NUBPL: variants seen among roughly 807,000 people sequenced by gnomAD.
The protein encoded by NUBPL is NUBP iron-sulfur cluster assembly factor, mitochondrial.
NUBPL carries 31 observed loss-of-function variants against 45.7 expected under a neutral mutation model. That is an observed-to-expected ratio of 0.68 (90% confidence interval 0.51 to 0.92). NUBPL has a LOEUF of 0.92. NUBPL is among the 40% of genes least tolerant of loss of function. NUBPL has a pLI of 0.00. For missense variants in NUBPL, 401 were observed against 398.7 expected (o/e 1.01, Z -0.05); for synonymous variants, 144 against 140.9 (o/e 1.02, Z -0.15).
intron 3 of NUBPL, among the ~76,000 whole-genome samples, chr14:31,596,355 G>A (rs572736702): frequency 6.6e-6 from 1 of 152,236 alleles, no homozygotes; most frequent in Admixed American, 6.5e-5. Context: ...CTCCTCTGAC[G>A]CTGAGATGAC....
At chr14:31,766,283 T>C (rs182590633) in intron 6 of NUBPL, among the ~76,000 whole-genome samples, 8 of 152,312 alleles carry the variant, frequency 5.3e-5, no homozygotes, top group Non-Finnish European at 1.2e-4. Flanking sequence ...GAGCGCAGGG[T>C]AGAGCCCATT....
chr14:31,647,426 C>G (rs1415468761), intron 4 of NUBPL, among the ~76,000 whole-genome samples: 1 of 152,070 alleles, frequency 6.6e-6, no homozygotes, highest in East Asian at 1.9e-4. Flanking sequence ...CTAAATGGCA[C>G]CTTAAGCCCA....
chr14:31,842,442 A>G (rs1351724713), intron 8 of NUBPL, among the ~76,000 whole-genome samples: 3 of 152,118 alleles, frequency 2.0e-5, no homozygotes, highest in African/African-American at 7.2e-5. Flanking sequence ...AAAACCTCTG[A>G]CTTTCAAACA....
At chr14:31,847,434 C>T (rs17464629) in intron 9 of NUBPL, among the ~76,000 whole-genome samples, 15,357 of 152,158 alleles carry the variant, frequency 0.1, 946 homozygotes, top group Non-Finnish European at 0.14. Context: ...TTACATTGTA[C>T]GCACTGTTCA....
At chr14:31,673,654 A>T (rs2036628091) in intron 6 of NUBPL, 80 bp downstream of exon 6, 2 of 1,270,964 alleles carry the variant, frequency 1.6e-6, no homozygotes, top group Non-Finnish European at 2.3e-6. Flanking sequence ...AATTGTTAAA[A>T]TTTGCATTCA....
intron 7 of NUBPL, among the ~76,000 whole-genome samples, chr14:31,817,991 A>T (rs989930456): frequency 3.9e-5 from 6 of 152,180 alleles, no homozygotes; most frequent in Non-Finnish European, 8.8e-5. Flanking sequence ...AAAAAGAAAA[A>T]AAAGGAAAAA....
chr14:31,811,668 G>C (rs2039808261), intron 7 of NUBPL, among the ~76,000 whole-genome samples: 2 of 152,172 alleles, frequency 1.3e-5, no homozygotes. Flanking sequence ...TTGCTGGTGA[G>C]GAGTTGTGAT....
intron 3 of NUBPL, among the ~76,000 whole-genome samples, chr14:31,596,538 A>G (rs184144407): frequency 6.6e-6 from 1 of 152,320 alleles, no homozygotes; most frequent in East Asian, 1.9e-4. Flanking sequence ...TTATTTACAT[A>G]TTGTTTATGG....
intron 7 of NUBPL, among the ~76,000 whole-genome samples, chr14:31,798,428 C>G (rs145554447): frequency 6.7e-6 from 1 of 148,910 alleles, no homozygotes; most frequent in Non-Finnish European, 1.5e-5. Flanking sequence ...TATTTGATTA[C>G]TTGCAGGCTC....
At chr14:31,594,806 AGAGGCTT>A (rs2034239970) in intron 3 of NUBPL, among the ~76,000 whole-genome samples, 1 of 152,378 alleles carries the variant, frequency 6.6e-6, no homozygotes, top group East Asian at 1.9e-4. Flanking sequence ...AGAAGAAAGA[AGAGGCTT>A]GAATAATTTC....
intron 6 of NUBPL, among the ~76,000 whole-genome samples, chr14:31,684,242 A>G (rs904361997): frequency 6.6e-6 from 1 of 152,192 alleles, no homozygotes; most frequent in Admixed American, 6.5e-5. Flanking sequence ...ATGAGTTAAT[A>G]TGTGTCATAT....
At chr14:31,841,696 T>C (rs551244858) in intron 8 of NUBPL, among the ~76,000 whole-genome samples, 1 of 152,176 alleles carries the variant, frequency 6.6e-6, no homozygotes, top group Non-Finnish European at 1.5e-5. Context: ...TAGAAAAATC[T>C]CTGCCTGCCT....
chr14:31,844,879 TGA>T (rs1046788381), intron 8 of NUBPL: 2 of 152,238 alleles, frequency 1.3e-5, no homozygotes, highest in Admixed American at 6.5e-5. Context: ...TCCTCATCAA[TGA>T]GAGAGTGGGA....
At chr14:31,625,442 A>C (rs530271211) in intron 4 of NUBPL, among the ~76,000 whole-genome samples, 30 of 151,992 alleles carry the variant, frequency 2.0e-4, no homozygotes, top group Admixed American at 1.7e-3. Context: ...TAGGGATAAG[A>C]AGTGGGTAAG....
chr14:31,731,433 A>G (rs928932371), intron 6 of NUBPL, among the ~76,000 whole-genome samples: 5 of 152,232 alleles, frequency 3.3e-5, no homozygotes, highest in Admixed American at 1.3e-4. Context: ...ATCACTTCTT[A>G]GTGGGCACTG....
At chr14:31,766,152 G>A (rs916897161) in intron 6 of NUBPL, among the ~76,000 whole-genome samples, 5 of 152,188 alleles carry the variant, frequency 3.3e-5, no homozygotes, top group African/African-American at 1.2e-4. Context: ...GTTAGAGGAA[G>A]ATTAAAAATG....
intron 4 of NUBPL, among the ~76,000 whole-genome samples, chr14:31,672,520 T>C (rs374124323): frequency 1.1e-4 from 16 of 152,278 alleles, no homozygotes; most frequent in African/African-American, 3.9e-4. Context: ...TGGAGTGCAG[T>C]GGCACAATGT....
At chr14:31,831,518 T>TACCATACC (rs1555342410) in intron 8 of NUBPL, among the ~76,000 whole-genome samples, 5,736 of 60,512 alleles carry the variant, frequency 0.095, 342 homozygotes, top group African/African-American at 0.16. Flanking sequence ...CATACCATAC[T>TACCATACC]ATACTCATAC....
chr14:31,713,423 A>C lies in NUBPL; in HGVS notation c.513+39849A>C, dbSNP rs546782817. Among the ~76,000 whole-genome samples the C allele has an allele frequency of 3.9e-5, 6 of 152,178 alleles. No homozygotes were observed. The South Asian group carries it at 1.2e-3, about 32-fold the overall frequency. On this transcript the variant is annotated intron_variant, in intron 6 of 10. Coordinates refer to ENST00000281081, the MANE Select transcript of NUBPL (RefSeq NM_025152.3). ...ATGTTTATATATGGCACATTATGTC[A>C]CTGGCTTGCTGATAATTTCAGCTCC... is the stretch of plus-strand genomic sequence containing the variant.
Sources: allele counts gnomAD v4.1 joint callset (sites outside exome capture counted in the v4.1 genomes callset), GRCh38; gene constraint gnomAD v4.1.1; transcripts MANE v1.5; gene names NCBI Gene and HGNC (gene_info 2026-07-23, HGNC 2026-07-21).